The following ABCB11 variants were observed in gnomAD, a reference collection of about 807,000 sequenced individuals.
ABCB11 encodes the protein bile salt export pump.
ABCB11 carries 95 observed loss-of-function variants against 148.0 expected under a neutral mutation model. The observed-to-expected ratio is 0.64, with a 90% confidence interval of 0.54 to 0.76. The LOEUF is 0.76. Among genes scored for constraint, ABCB11 ranks in the 30% least tolerant of loss-of-function variants. The probability of loss-of-function intolerance (pLI) is 0.00; values close to 1 mark genes in which losing one functional copy is unlikely to be tolerated. For missense variants in ABCB11, 1,523 were observed against 1,617.8 expected (o/e 0.94, Z 1.01); for synonymous variants, 591 against 555.4 (o/e 1.06, Z -0.90).
intron 17 of ABCB11, among the ~76,000 whole-genome samples, chr2:168,964,570 A>G (rs1386814665): frequency 2.0e-5 from 3 of 151,434 alleles, no homozygotes; most frequent in Non-Finnish European, 4.4e-5. Context: ...AGAAAGAGAA[A>G]GGGAGCAAAG....
chr2:168,930,206 G>A (rs1483363267), intron 25 of ABCB11, among the ~76,000 whole-genome samples: 1 of 152,178 alleles, frequency 6.6e-6, no homozygotes, highest in Admixed American at 6.5e-5. Context: ...CTCAATCTGA[G>A]TTCCTTGCGT....
chr2:169,029,997 C>T (rs1271756152), intron 1 of ABCB11, among the ~76,000 whole-genome samples: 2 of 121,534 alleles, frequency 1.6e-5, no homozygotes, highest in Non-Finnish European at 3.5e-5. Context: ...GCCTCGGCCT[C>T]CCAAAGTGCT....
At chr2:169,016,979 T>TCTCTAC (rs1553473413) in intron 2 of ABCB11, among the ~76,000 whole-genome samples, 180 bp from the exon 3 acceptor site, 1 of 138,004 alleles carries the variant, frequency 7.2e-6, no homozygotes, top group African/African-American at 2.7e-5. Context: ...TCTATCTTTC[T>TCTCTAC]ACACACACAC....
intron 24 of ABCB11, 39 bp from the exon 25 acceptor site, chr2:168,930,901 G>C (rs749272441): frequency 6.6e-7 from 1 of 1,513,982 alleles, no homozygotes. Flanking sequence ...TGCTCTTACT[G>C]AAGCCTAGAA....
intron 18 of ABCB11, among the ~76,000 whole-genome samples, chr2:168,959,443 G>A (rs1041400677): frequency 1.3e-5 from 2 of 151,594 alleles, no homozygotes; most frequent in Non-Finnish European, 3.0e-5. Flanking sequence ...AAAGCCCAAC[G>A]TGGCCACCCG....
intron 18 of ABCB11, among the ~76,000 whole-genome samples, chr2:168,958,540 A>G (rs956191237): frequency 2.0e-5 from 3 of 151,782 alleles, no homozygotes; most frequent in Non-Finnish European, 4.4e-5. Context: ...ATAATATAGT[A>G]ACTGGCTAAA....
At chr2:168,929,838 A>G (rs1378982122) in intron 25 of ABCB11, among the ~76,000 whole-genome samples, 1 of 152,166 alleles carries the variant, frequency 6.6e-6, no homozygotes, top group African/African-American at 2.4e-5. Flanking sequence ...TGGTGAGAGT[A>G]AGTAGATTTT....
chr2:168,958,643 T>C (rs1165794160), intron 18 of ABCB11, among the ~76,000 whole-genome samples: 1 of 151,764 alleles, frequency 6.6e-6, no homozygotes, highest in Non-Finnish European at 1.5e-5. Context: ...ATGTTTTCAG[T>C]AAGGTTTTCC....
intron 5 of ABCB11, among the ~76,000 whole-genome samples, chr2:168,998,122 C>T (rs1355380436): frequency 1.3e-5 from 2 of 151,966 alleles, no homozygotes; most frequent in African/African-American, 4.8e-5. Flanking sequence ...CTTATAAAAG[C>T]TAAATATCTC....
intron 1 of ABCB11, among the ~76,000 whole-genome samples, chr2:169,021,075 G>T (rs748458885): frequency 3.3e-5 from 5 of 151,598 alleles, no homozygotes; most frequent in Non-Finnish European, 7.4e-5. Flanking sequence ...TGATTCTCCT[G>T]CCTCAGCCTC....
intron 1 of ABCB11, among the ~76,000 whole-genome samples, chr2:169,025,669 C>A (rs1369042628): frequency 1.3e-5 from 2 of 152,188 alleles, no homozygotes; most frequent in African/African-American, 4.8e-5. Context: ...TTTCCGAATA[C>A]CCCTACAAAT....
In ABCB11 at chr2:168,979,882, A is replaced by G; in HGVS notation, c.1181T>C (p.Phe394Ser). ...ATGRAAATSI[F>S]ETIDRKPIID... ...TATACATACCCTGTCTATTGTCTCAAAAATGCTGGTGGCTGCTGCACGTCC... is the reference window on the plus strand; with the variant it reads ...TATACATACCCTGTCTATTGTCTCAGAAATGCTGGTGGCTGCTGCACGTCC... Residue 394 changes from phenylalanine to serine, a missense_variant, in exon 11 of 28, where the codon TTT (phenylalanine) becomes TCT (serine). Physicochemically the swap from Phe to Ser is radical, Grantham distance 155 (BLOSUM62 -2). Transcript: ENST00000650372. 1.2e-6 allele frequency: 2 copies of G among 1,610,112 alleles called. No homozygotes were observed. Among genetic ancestry groups the G allele is most frequent in the Non-Finnish European group, 1.7e-6 (2 of 1,177,378 alleles).
chr2:168,993,680 C>T (rs377018299), intron 8 of ABCB11, 31 bp downstream of exon 8: 1 of 1,594,476 alleles, frequency 6.3e-7, no homozygotes, highest in South Asian at 1.1e-5. Flanking sequence ...CAAATGTCTT[C>T]CCATGGAGAG....
chr2:168,934,449 A>C (rs1691726423), intron 23 of ABCB11, among the ~76,000 whole-genome samples: 1 of 152,136 alleles, frequency 6.6e-6, no homozygotes, highest in African/African-American at 2.4e-5. Context: ...TGACACCCTT[A>C]GGCTTTCACC....
intron 1 of ABCB11, among the ~76,000 whole-genome samples, chr2:169,018,440 T>C (rs1049142425): frequency 5.9e-5 from 9 of 152,182 alleles, no homozygotes; most frequent in Admixed American, 5.9e-4. Flanking sequence ...CCTCTAGTTG[T>C]TGGATGGATG....
Position 168,964,240 on chromosome 2 carries a change from A to G in ABCB11, c.2144T>C (p.Val715Ala). 4 of 1,566,794 alleles carry G rather than the reference A, an allele frequency of 2.6e-6. No individual in the cohort carries two copies. Among genetic ancestry groups the G allele is most frequent in the Non-Finnish European group, 3.5e-6 (4 of 1,153,844 alleles). The change falls in exon 18 of 28, where the codon GTA (valine) becomes GCA (alanine). Residue 715 changes from valine to alanine, a missense_variant. By Grantham distance (64) the Val-to-Ala change is moderately conservative. Transcript: ENST00000650372. ...TTCTTCATAGGTAGACTTATGATCT[A>G]CAACAGCTAATGGAGGTTCGTGCAC... ...YLVHEPPLAVVDHKSTYEEDR... is the reference protein window; with the variant it reads ...YLVHEPPLAVADHKSTYEEDR...
intron 5 of ABCB11, 22 bp from the exon 6 acceptor site, chr2:168,996,744 GT>G: frequency 6.7e-7 from 1 of 1,490,022 alleles, no homozygotes; most frequent in Non-Finnish European, 9.0e-7. Flanking sequence ...GGAAAAGAAT[GT>G]TCAGACTTGC....
rs73972709 is a variant in ABCB11, at chr2:168,922,584, C to T, written c.*1038G>A. Among the ~76,000 whole-genome samples the T allele has an allele frequency of 0.037, 5,575 of 152,200 alleles. 324 individuals are homozygous for T. The highest frequency in any genetic ancestry group is 0.13 in the African/African-American group (5,276 of 41,502). On this transcript the variant is annotated 3_prime_UTR_variant, in exon 28 of 28. Coordinates refer to ENST00000650372, the MANE Select transcript of ABCB11 (RefSeq NM_003742.4). ...CTAACAGGTTACATTTTTGTTTTCT[C>T]TCATCTTGTAACTCTATTATCAATT... is the stretch of plus-strand genomic sequence containing the variant.
rs752532486 is a variant in ABCB11, at chr2:168,976,694, T to G, written c.1198-7A>C. 83 of 1,579,706 alleles carry G rather than the reference T, an allele frequency of 5.3e-5. No individual in the cohort carries two copies. The highest frequency in any genetic ancestry group is 6.0e-5 in the Non-Finnish European group (69 of 1,149,632). On this transcript the variant is annotated splice_region_variant and splice_polypyrimidine_tract_variant and intron_variant, in intron 11 of 27. Transcript: ENST00000650372. The stretch of plus-strand genomic sequence containing the variant: ...TGCAGTCAATGATGGGTTTCTGGAG[T>G]GAAATACAAAAGGGACACAGTGTAA...
Sources: gnomAD v4.1 joint callset for allele counts (sites outside exome capture counted in the v4.1 genomes callset) on GRCh38, gnomAD v4.1.1 for gene constraint, MANE v1.5 for transcripts, NCBI Gene and HGNC (gene_info 2026-07-23, HGNC 2026-07-21) for gene names.